The following PPARG variants were observed in gnomAD, a reference collection of about 807,000 sequenced individuals.
PPARG encodes peroxisome proliferator activated receptor gamma.
PPARG carries 17 observed loss-of-function variants against 39.2 expected under a neutral mutation model. That is an observed-to-expected ratio of 0.43 (90% CI 0.30 to 0.65). PPARG has a LOEUF of 0.65. Among genes scored for constraint, PPARG ranks in the 30% least tolerant of loss-of-function variants. The pLI is 0.13. For missense variants in PPARG, 406 were observed against 585.9 expected, an observed-to-expected ratio of 0.69 and a Z score of 3.17; for synonymous variants, 223 against 215.7, an observed-to-expected ratio of 1.03 and a Z score of -0.30.
At chr3:12,289,035 GCT>G (rs1449662871), upstream of PPARG, 1 of 152,262 alleles carries the variant, frequency 6.6e-6, no homozygotes, top group Non-Finnish European at 1.5e-5. Context: ...CCGAGCTGCG[GCT>G]TTTATATAAG....
intron 5 of PPARG, among the ~76,000 whole-genome samples, chr3:12,398,378 A>G (rs139078480): frequency 7.3e-4 from 111 of 152,342 alleles, no homozygotes; most frequent in African/African-American, 2.5e-3. Flanking sequence ...AATTTGGGTG[A>G]TAGAATGAAT....
chr3:12,397,375 CTTTTTATTA>C (rs1215964466), intron 5 of PPARG, among the ~76,000 whole-genome samples: 3 of 132,010 alleles, frequency 2.3e-5, no homozygotes, highest in Non-Finnish European at 3.2e-5. Context: ...TAACCTATTC[CTTTTTATTA>C]TTATTATTAT....
At chr3:12,330,093 G>A (rs145321924) in intron 2 of PPARG, among the ~76,000 whole-genome samples, 91 of 152,158 alleles carry the variant, frequency 6.0e-4, no homozygotes, top group Middle Eastern at 3.4e-3. Flanking sequence ...TAATGCTTCA[G>A]TAAACATTGG....
chr3:12,342,630 A>G (rs140084188), intron 2 of PPARG, among the ~76,000 whole-genome samples: 1 of 152,342 alleles, frequency 6.6e-6, no homozygotes, highest in African/African-American at 2.4e-5. Flanking sequence ...ATCTGTATAT[A>G]CATATGATCA....
intron 6 of PPARG, among the ~76,000 whole-genome samples, chr3:12,408,746 T>C (rs565204362): frequency 6.6e-6 from 1 of 152,060 alleles, no homozygotes; most frequent in African/African-American, 2.4e-5. Flanking sequence ...ATCAACTGCT[T>C]TCTCACCTTC....
At chr3:12,330,004 A>G (rs2047807798) in intron 2 of PPARG, among the ~76,000 whole-genome samples, 1 of 152,144 alleles carries the variant, frequency 6.6e-6, no homozygotes, top group South Asian at 2.1e-4. Context: ...ATTCCCTTGC[A>G]TGGATATATA....
intron 2 of PPARG, among the ~76,000 whole-genome samples, chr3:12,344,437 G>A (rs953676857): frequency 2.6e-5 from 4 of 151,780 alleles, no homozygotes; most frequent in African/African-American, 9.7e-5. Context: ...ATGGACTGAT[G>A]AATCTTACCG....
intron 6 of PPARG, among the ~76,000 whole-genome samples, chr3:12,407,743 G>A (rs1326008600): frequency 6.6e-6 from 1 of 152,138 alleles, no homozygotes; most frequent in Non-Finnish European, 1.5e-5. Flanking sequence ...CTTCTGTTTA[G>A]CTAAACTAGT....
chr3:12,405,999 T>C lies in PPARG; in HGVS notation c.647T>C (p.Leu216Ser), dbSNP rs2050649617. The C allele has an allele frequency of 2.5e-6, 4 of 1,614,192 alleles. No homozygotes were observed. Among genetic ancestry groups the C allele is most frequent in the Non-Finnish European group, 3.4e-6 (4 of 1,180,022 alleles). ...GACCTCCGGGCCCTGGCAAAACATT[T>C]GTATGACTCATACATAAAGTCCTTC... ...SADLRALAKH[L>S]YDSYIKSFPL... The change falls in exon 6 of 8, where the codon TTG (leucine) becomes TCG (serine). Residue 216 changes from leucine to serine, a missense_variant. Physicochemically the swap from Leu to Ser is moderately radical, Grantham distance 145. Transcript: ENST00000651735.
Position 12,325,935 on chromosome 3 carries a change from ATAT to A in PPARG, c.-9+13484_-9+13486del, listed in dbSNP as rs1315075848. 2.0e-5 allele frequency among the ~76,000 whole-genome samples: 3 copies of A among 152,192 alleles called. No homozygotes were observed. The East Asian group carries it at 5.8e-4, about 29-fold the overall frequency. ...TTCATTAGTTTAAATGTTACCAATA[ATAT>A]TTTCTTTATAAAAAGAAATTATGTT... On this transcript the variant is annotated intron_variant, in intron 2 of 7. Coordinates refer to ENST00000651735, the MANE Select transcript of PPARG (RefSeq NM_138711.6).
intron 6 of PPARG, among the ~76,000 whole-genome samples, chr3:12,408,741 C>T (rs1047975008): frequency 1.6e-4 from 25 of 151,946 alleles, no homozygotes; most frequent in African/African-American, 5.8e-4. Context: ...TTTTCATCAA[C>T]TGCTTTCTCA....
chr3:12,315,223 C>G (rs1175172786), intron 2 of PPARG, among the ~76,000 whole-genome samples: 2 of 152,172 alleles, frequency 1.3e-5, no homozygotes, highest in African/African-American at 4.8e-5. Context: ...CTGCTTATTT[C>G]ACTTAACATA....
Position 12,393,943 on chromosome 3 carries a change from A to T in PPARG, c.529+1191A>T, listed in dbSNP as rs568478377. 4.2e-4 allele frequency among the ~76,000 whole-genome samples: 64 copies of T among 152,314 alleles called. 2 individuals carry two copies. In the South Asian group the frequency reaches 0.013, roughly 32 times the overall value. The stretch of plus-strand genomic sequence containing the variant: ...AAAGGCAAGAATGTATTTTGAATAG[A>T]GCTATCAGCAGTACTGAACAGGATG... On this transcript the variant is annotated intron_variant, in intron 5 of 7. Coordinates refer to ENST00000651735, the MANE Select transcript of PPARG (RefSeq NM_138711.6).
chr3:12,291,009 C>T (rs1166811583), intron 1 of PPARG, among the ~76,000 whole-genome samples: 8 of 152,090 alleles, frequency 5.3e-5, no homozygotes, highest in Admixed American at 5.2e-4. Flanking sequence ...TGTCTTTCTG[C>T]TGGATTCGTT....
intron 2 of PPARG, among the ~76,000 whole-genome samples, chr3:12,354,069 G>A (rs1415061270): frequency 6.6e-6 from 1 of 152,180 alleles, no homozygotes; most frequent in African/African-American, 2.4e-5. Context: ...TCTCTCCTGA[G>A]ATAGGAGTGA....
At chr3:12,381,288 G>C in intron 3 of PPARG, 34 bp from the exon 4 acceptor site, 1 of 1,606,118 alleles carries the variant, frequency 6.2e-7, no homozygotes, top group Non-Finnish European at 8.5e-7. Flanking sequence ...TGTTTTCATG[G>C]GATAATTATC....
At chr3:12,367,692 A>T (rs1180925321) in intron 2 of PPARG, among the ~76,000 whole-genome samples, 6 of 150,318 alleles carry the variant, frequency 4.0e-5, no homozygotes, top group South Asian at 2.1e-4. Flanking sequence ...CTACAAAAAA[A>T]AAAATAAAAA....
chr3:12,385,328 A>G (rs537276699), intron 4 of PPARG, among the ~76,000 whole-genome samples: 2 of 152,186 alleles, frequency 1.3e-5, no homozygotes, highest in African/African-American at 2.4e-5. Flanking sequence ...CAATTTTACA[A>G]TGTAAATGGA....
Position 12,410,468 on chromosome 3 carries a change from C to T in PPARG, c.729+4387C>T, listed in dbSNP as rs189026189. 6.6e-5 allele frequency among the ~76,000 whole-genome samples: 10 copies of T among 152,276 alleles called. No individual in the cohort carries two copies. In the East Asian group the frequency reaches 1.5e-3, roughly 23 times the overall value. ...TGTCATAAAACAATAAATAGAAAAGCGCTTGATGTACCTGCCAACTTTTCA... is the reference window on the plus strand; with the variant it reads ...TGTCATAAAACAATAAATAGAAAAGTGCTTGATGTACCTGCCAACTTTTCA... On this transcript the variant is annotated intron_variant, in intron 6 of 7. Coordinates refer to ENST00000651735, the MANE Select transcript of PPARG (RefSeq NM_138711.6).
Sources: allele counts gnomAD v4.1 joint callset (sites outside exome capture counted in the v4.1 genomes callset), GRCh38; gene constraint gnomAD v4.1.1; transcripts MANE v1.5; gene names NCBI Gene and HGNC (gene_info 2026-07-23, HGNC 2026-07-21).